Variants in SLC39A11 observed in about 807,000 individuals in gnomAD.
SLC39A11 encodes the protein solute carrier family 39 member 11.
In SLC39A11, 33 loss-of-function variants were observed where a neutral mutation model predicts 36.1. The observed-to-expected ratio is 0.91, with a 90% CI of 0.69 to 1.22. The LOEUF (loss-of-function observed/expected upper bound fraction) is 1.22, where lower values mean the gene tolerates loss of function less well. Ranked by LOEUF, SLC39A11 falls within the 50% of genes most tolerant of loss-of-function variation. The probability of loss-of-function intolerance (pLI) is 0.00; values close to 1 mark genes in which losing one functional copy is unlikely to be tolerated. For synonymous variants in SLC39A11, 166 were observed against 170.3 expected (o/e 0.97, Z 0.20); for missense variants, 432 against 430.3 (o/e 1.00, Z -0.03).
At chr17:73,040,560 G>A (rs1302950207) in intron 3 of SLC39A11, among the ~76,000 whole-genome samples, 1 of 152,186 alleles carries the variant, frequency 6.6e-6, no homozygotes, top group African/African-American at 2.4e-5. Flanking sequence ...AATGTGTCAT[G>A]ATTATTTATG....
At chr17:72,866,516 A>T (rs943477292) in intron 5 of SLC39A11, among the ~76,000 whole-genome samples, 1 of 152,208 alleles carries the variant, frequency 6.6e-6, no homozygotes, top group Non-Finnish European at 1.5e-5. Flanking sequence ...ACAAGTGTTC[A>T]CTTTAAAGTA....
chr17:72,981,994 G>A (rs1439933697), intron 4 of SLC39A11, among the ~76,000 whole-genome samples: 1 of 152,110 alleles, frequency 6.6e-6, no homozygotes, highest in African/African-American at 2.4e-5. Flanking sequence ...TGTAATCCCA[G>A]CCACTTGGGA....
chr17:72,861,798 T>C (rs1265027029), intron 5 of SLC39A11, among the ~76,000 whole-genome samples: 2 of 133,236 alleles, frequency 1.5e-5, no homozygotes, highest in Non-Finnish European at 3.2e-5. Flanking sequence ...TGCTATTTCA[T>C]TAAGCCATTA....
At chr17:72,912,433 CTT>C (rs527360752) in intron 5 of SLC39A11, among the ~76,000 whole-genome samples, 35 of 142,372 alleles carry the variant, frequency 2.5e-4, no homozygotes, top group Non-Finnish European at 3.1e-4. Flanking sequence ...AGGACAATAT[CTT>C]TTTTTTTTTT....
chr17:72,807,471 C>G (rs2344341), intron 6 of SLC39A11, among the ~76,000 whole-genome samples: 16,300 of 152,122 alleles, frequency 0.11, 1,244 homozygotes, highest in African/African-American at 0.22. Context: ...TTGAGGTAGG[C>G]CCCTAGATAG....
chr17:72,918,920 G>C (rs193285233), intron 5 of SLC39A11, among the ~76,000 whole-genome samples: 2 of 151,900 alleles, frequency 1.3e-5, no homozygotes, highest in Non-Finnish European at 2.9e-5. Context: ...AAAATTAGCT[G>C]GGCGTGGTGG....
In SLC39A11 at chr17:72,849,641, G is replaced by T. The variant is rs771897276; in HGVS notation, c.594C>A (p.Asn198Lys). 17 of 1,544,602 alleles carry T rather than the reference G, an allele frequency of 1.1e-5. No individual in the cohort carries two copies. Among genetic ancestry groups the T allele is most frequent in the Admixed American group, 2.1e-5 (1 of 47,940 alleles). ...TCACGGGCAAGACCTCACCTGGAACGTTGTGTATAGTGATGGCCAAGATGA... is the reference window on the plus strand; with the variant it reads ...TCACGGGCAAGACCTCACCTGGAACTTTGTGTATAGTGATGGCCAAGATGA... ...ALLILAITIH[N>K]VPEGLAVGVG... Residue 198 changes from asparagine to lysine, a missense_variant, in exon 6 of 10, where the codon AAC becomes AAA. By Grantham distance (94) the Asn-to-Lys change is moderately conservative (BLOSUM62 0). Coordinates refer to ENST00000255559, the MANE Select transcript of SLC39A11 (RefSeq NM_139177.4).
chr17:72,987,341 T>G (rs993356660), intron 4 of SLC39A11, among the ~76,000 whole-genome samples: 1 of 152,334 alleles, frequency 6.6e-6, no homozygotes, highest in Admixed American at 6.5e-5. Flanking sequence ...CAACACTTAA[T>G]GGACTAAGAC....
At chr17:72,654,965 C>A (rs951437969) in intron 7 of SLC39A11, among the ~76,000 whole-genome samples, 10 of 152,186 alleles carry the variant, frequency 6.6e-5, no homozygotes, top group Non-Finnish European at 8.8e-5. Context: ...GCACAGAAAC[C>A]CCATTCTTCC....
chr17:73,019,011 A>C (rs545002520), intron 4 of SLC39A11, among the ~76,000 whole-genome samples: 117 of 152,364 alleles, frequency 7.7e-4, no homozygotes, highest in African/African-American at 2.7e-3. Flanking sequence ...CATAAGCCAG[A>C]GGACCTTAGA....
intron 7 of SLC39A11, among the ~76,000 whole-genome samples, chr17:72,693,199 G>GC (rs1255945303): frequency 6.6e-6 from 1 of 152,108 alleles, no homozygotes; most frequent in East Asian, 1.9e-4. Context: ...ATGCCCTTTG[G>GC]CCCCCCTCCC....
intron 5 of SLC39A11, among the ~76,000 whole-genome samples, chr17:72,871,140 C>A (rs188255990): frequency 1.3e-5 from 2 of 150,416 alleles, no homozygotes; most frequent in Non-Finnish European, 2.9e-5. Flanking sequence ...AGGCTCACTG[C>A]GTCTTCCGCC....
At chr17:72,853,483 A>G (rs747467809) in intron 5 of SLC39A11, among the ~76,000 whole-genome samples, 2 of 152,064 alleles carry the variant, frequency 1.3e-5, no homozygotes, top group Non-Finnish European at 2.9e-5. Context: ...TCTCCTGCAG[A>G]TACCGCACAG....
At chr17:72,740,985 G>A (rs1460945934) in intron 6 of SLC39A11, among the ~76,000 whole-genome samples, 2 of 152,154 alleles carry the variant, frequency 1.3e-5, no homozygotes, top group African/African-American at 2.4e-5. Context: ...TATTGCTCAG[G>A]CTGGTCTCGA....
intron 7 of SLC39A11, among the ~76,000 whole-genome samples, chr17:72,654,581 C>T (rs1232360308): frequency 6.6e-6 from 1 of 152,232 alleles, no homozygotes; most frequent in African/African-American, 2.4e-5. Flanking sequence ...GGGGCCCCTT[C>T]CCTGCGACTT....
chr17:72,895,515 G>C (rs2081984485), intron 5 of SLC39A11, among the ~76,000 whole-genome samples: 1 of 151,766 alleles, frequency 6.6e-6, no homozygotes, highest in Non-Finnish European at 1.5e-5. Context: ...GGAAGCGGAG[G>C]TTGCAGTGAG....
intron 7 of SLC39A11, among the ~76,000 whole-genome samples, chr17:72,726,863 ATAC>A: frequency 6.6e-6 from 1 of 152,342 alleles, no homozygotes; most frequent in African/African-American, 2.4e-5. Flanking sequence ...TTAATGGGCT[ATAC>A]TACATCCAAA....
In SLC39A11 at chr17:72,646,649, A is replaced by T. The variant is rs2069576502; in HGVS notation, c.*935T>A. ...GGGAAGGACCCACAGCAGATTCCAA[A>T]ACTCTTTCATTCACTTGAGTTAACT... On this transcript the variant is annotated 3_prime_UTR_variant, in exon 10 of 10. Coordinates refer to ENST00000255559, the MANE Select transcript of SLC39A11 (RefSeq NM_139177.4). 6.6e-6 allele frequency: 1 copy of T among 152,602 alleles called. No homozygotes were observed. Among genetic ancestry groups the T allele is most frequent in the African/African-American group, 2.4e-5 (1 of 41,438 alleles). 9.5% of individuals were successfully genotyped at this position (152,602 alleles called of 1,614,324 possible). A position where few individuals can be genotyped will look rare whatever the true frequency, so the allele number is the denominator to read the frequency against.
chr17:72,726,491 A>C (rs1367920940), intron 7 of SLC39A11, among the ~76,000 whole-genome samples: 1 of 152,146 alleles, frequency 6.6e-6, no homozygotes, highest in Non-Finnish European at 1.5e-5. Context: ...GGCCTGAGCA[A>C]CAGAACAAGA....
Sources: gnomAD v4.1 joint callset for allele counts (sites outside exome capture counted in the v4.1 genomes callset) on GRCh38, gnomAD v4.1.1 for gene constraint, MANE v1.5 for transcripts, NCBI Gene and HGNC (gene_info 2026-07-23, HGNC 2026-07-21) for gene names.